Variants in CDH12 observed in about 807,000 individuals in gnomAD.
CDH12 encodes the protein cadherin 12, also known as cadherin-12.
CDH12 carries 41 observed loss-of-function variants against 74.1 expected under a neutral mutation model. The ratio of observed to expected loss-of-function variants is 0.55; its 90% confidence interval spans 0.43 to 0.72. The LOEUF is 0.72. Among genes scored for constraint, CDH12 ranks in the 30% least tolerant of loss-of-function variants. CDH12 has a pLI of 0.00. For synonymous variants in CDH12, 399 were observed against 355.0 expected, an observed-to-expected ratio of 1.12 and a Z score of -1.39; for missense variants, 945 against 977.2, an observed-to-expected ratio of 0.97 and a Z score of 0.44.
chr5:21,956,252 C>T (rs1439255104), intron 6 of CDH12, among the ~76,000 whole-genome samples: 1 of 151,168 alleles, frequency 6.6e-6, no homozygotes, highest in Non-Finnish European at 1.5e-5. Context: ...TTTTTCAATT[C>T]AGCATGGAGA....
At chr5:22,817,368 C>A (rs571561400) in intron 1 of CDH12, among the ~76,000 whole-genome samples, 4 of 152,036 alleles carry the variant, frequency 2.6e-5, no homozygotes, top group African/African-American at 9.6e-5. Context: ...TCAAATTCAT[C>A]AGAGACACTG....
intron 3 of CDH12, among the ~76,000 whole-genome samples, chr5:22,320,740 G>A (rs1401403545): frequency 6.6e-6 from 1 of 152,166 alleles, no homozygotes; most frequent in Non-Finnish European, 1.5e-5. Flanking sequence ...GTACAGTGAT[G>A]ACTATCAAAT....
At chr5:22,276,017 T>G (rs1257637343) in intron 3 of CDH12, among the ~76,000 whole-genome samples, 5 of 152,182 alleles carry the variant, frequency 3.3e-5, no homozygotes, top group African/African-American at 1.2e-4. Context: ...TTGTTGGAAT[T>G]GCATAAAAAG....
At chr5:22,843,212 T>C (rs899686644) in intron 1 of CDH12, among the ~76,000 whole-genome samples, 8 of 152,076 alleles carry the variant, frequency 5.3e-5, no homozygotes, top group Admixed American at 6.6e-5. Context: ...GAATCCACAA[T>C]ACTGGGGAAG....
chr5:22,096,671 G>A (rs1286256105), intron 4 of CDH12, among the ~76,000 whole-genome samples: 1 of 152,060 alleles, frequency 6.6e-6, no homozygotes, highest in Non-Finnish European at 1.5e-5. Flanking sequence ...GCATAGTTAA[G>A]TTTAATGCTC....
chr5:22,618,250 T>G (rs766981881), intron 1 of CDH12, among the ~76,000 whole-genome samples: 39 of 152,128 alleles, frequency 2.6e-4, no homozygotes, highest in Admixed American at 7.2e-4. Flanking sequence ...TTTTACTTTT[T>G]CTCTGCTATG....
chr5:22,282,894 T>C (rs1736951078), intron 3 of CDH12, among the ~76,000 whole-genome samples: 2 of 152,074 alleles, frequency 1.3e-5, no homozygotes, highest in Non-Finnish European at 2.9e-5. Flanking sequence ...ACTGAGTGTA[T>C]ACCCAAAGGA....
intron 4 of CDH12, among the ~76,000 whole-genome samples, chr5:22,183,246 C>A (rs6881738): frequency 0.37 from 55,697 of 150,568 alleles, 11,902 homozygotes; most frequent in East Asian, 0.73. Flanking sequence ...CAAGGAGAGA[C>A]TGGTGAATCA....
At chr5:22,461,053 T>TG (rs1745493642) in intron 2 of CDH12, among the ~76,000 whole-genome samples, 1 of 138,778 alleles carries the variant, frequency 7.2e-6, no homozygotes, top group Non-Finnish European at 1.6e-5. Flanking sequence ...TTTTTTTTTT[T>TG]GAGACAGTCT....
intron 10 of CDH12, among the ~76,000 whole-genome samples, chr5:21,784,313 T>A (rs1579695301): frequency 6.6e-6 from 1 of 152,134 alleles, no homozygotes; most frequent in East Asian, 1.9e-4. Flanking sequence ...ATCATAACAA[T>A]CATTAACATT....
chr5:22,791,111 G>A (rs1747883380), intron 1 of CDH12, among the ~76,000 whole-genome samples: 1 of 152,174 alleles, frequency 6.6e-6, no homozygotes. Flanking sequence ...GTAACAAAGA[G>A]AGTAGCCTCT....
chr5:22,276,680 T>C (rs1000547633), intron 3 of CDH12, among the ~76,000 whole-genome samples: 1 of 152,180 alleles, frequency 6.6e-6, no homozygotes, highest in African/African-American at 2.4e-5. Context: ...CTATTTTATT[T>C]TATTTTATTT....
intron 5 of CDH12, among the ~76,000 whole-genome samples, chr5:22,013,088 T>C (rs1029239370): frequency 1.3e-5 from 2 of 151,944 alleles, no homozygotes; most frequent in Non-Finnish European, 2.9e-5. Context: ...TTTGTTTTCA[T>C]ACTGCTATAA....
chr5:21,896,687 G>A (rs1323490272), intron 6 of CDH12, among the ~76,000 whole-genome samples: 1 of 152,088 alleles, frequency 6.6e-6, no homozygotes, highest in Non-Finnish European at 1.5e-5. Flanking sequence ...GACAAATGAT[G>A]GAAAACACGT....
At chr5:22,655,267 C>T (rs1336955885) in intron 1 of CDH12, among the ~76,000 whole-genome samples, 2 of 152,168 alleles carry the variant, frequency 1.3e-5, no homozygotes, top group East Asian at 3.9e-4. Flanking sequence ...CACTGGTACT[C>T]CTACCCAAGA....
At chr5:21,848,815 C>A (rs1750316224) in intron 7 of CDH12, among the ~76,000 whole-genome samples, 1 of 151,732 alleles carries the variant, frequency 6.6e-6, no homozygotes, top group Non-Finnish European at 1.5e-5. Context: ...AGTCTAGTGT[C>A]CCATAGTAGC....
chr5:21,967,656 C>T (rs957675395), intron 6 of CDH12, among the ~76,000 whole-genome samples: 3 of 152,160 alleles, frequency 2.0e-5, no homozygotes, highest in Admixed American at 6.6e-5. Flanking sequence ...TTTAGGGACA[C>T]GCTGTGCTGC....
At chr5:21,758,271 T>G (rs1744512976) in intron 13 of CDH12, among the ~76,000 whole-genome samples, 1 of 152,156 alleles carries the variant, frequency 6.6e-6, no homozygotes, top group Non-Finnish European at 1.5e-5. Context: ...ACTTCAAGAT[T>G]GGACTGCTGT....
intron 1 of CDH12, among the ~76,000 whole-genome samples, chr5:22,678,258 T>C (rs1580878981): frequency 6.6e-6 from 1 of 152,120 alleles, no homozygotes; most frequent in Non-Finnish European, 1.5e-5. Context: ...CACAGGAGCA[T>C]GTTCTATACA....
Sources: gnomAD v4.1 joint callset for allele counts (sites outside exome capture counted in the v4.1 genomes callset) on GRCh38, gnomAD v4.1.1 for gene constraint, MANE v1.5 for transcripts, NCBI Gene and HGNC (gene_info 2026-07-23, HGNC 2026-07-21) for gene names.